Variants in COXFA4L2 observed in about 807,000 individuals in gnomAD.
COXFA4L2 encodes the protein NADH dehydrogenase (ubiquinone) 1 alpha subcomplex, 4-like 2.
the COXFA4L2 span, chr12:57,235,382 G>C: frequency 1.5e-6 from 1 of 687,202 alleles, no homozygotes; most frequent in Non-Finnish European, 2.5e-6. Context: ...CGCTTCCGCT[G>C]CTGGGAGCAA....
chr12:57,237,314 T>C, the COXFA4L2 span: 22 of 1,426,180 alleles, frequency 1.5e-5, no homozygotes, highest in Non-Finnish European at 1.9e-5. Context: ...GCTCTCCGAC[T>C]CTCTCCTCCA....
chr12:57,235,251 T>C, the COXFA4L2 span: 1 of 504,680 alleles, frequency 2.0e-6, no homozygotes, highest in Non-Finnish European at 3.6e-6. Flanking sequence ...ACGTAGCCTG[T>C]GCCACACCCT....
the COXFA4L2 span, chr12:57,237,126 C>T: frequency 6.2e-7 from 1 of 1,614,158 alleles, no homozygotes; most frequent in Non-Finnish European, 8.5e-7. Flanking sequence ...GTGGCTCTGT[C>T]CTCTCCCTCC....
chr12:57,240,194 AAGCGGAG>A, the COXFA4L2 span: 1 of 152,114 alleles, frequency 6.6e-6, no homozygotes. Context: ...AGCCAGACAG[AAGCGGAG>A]CCGGGAGCTG....
At chr12:57,236,652 C>T in the COXFA4L2 span, 1 of 1,577,634 alleles carries the variant, frequency 6.3e-7, no homozygotes, top group Non-Finnish European at 8.6e-7. Flanking sequence ...TGCCCATGCC[C>T]AGGCAGATTA....
chr12:57,236,512 G>A, the COXFA4L2 span: 2 of 1,214,566 alleles, frequency 1.6e-6, no homozygotes, highest in Middle Eastern at 2.8e-4. Flanking sequence ...AGCAGGGCAC[G>A]GGATCCCCAC....
At chr12:57,240,569 G>A in the COXFA4L2 span, 42 of 588,706 alleles carry the variant, frequency 7.1e-5, no homozygotes, top group South Asian at 1.5e-4. Flanking sequence ...CCCGGCGCGC[G>A]CACACACACA....
the COXFA4L2 span, chr12:57,236,468 T>G: frequency 1.3e-6 from 1 of 787,272 alleles, no homozygotes; most frequent in Non-Finnish European, 1.9e-6. Context: ...GCTCCAGCCC[T>G]GAGATGCCGG....
the COXFA4L2 span, chr12:57,236,508 G>GCACGGGATCCCCACTAGGGC: frequency 6.0e-6 from 7 of 1,168,968 alleles, no homozygotes; most frequent in Non-Finnish European, 8.4e-6. Flanking sequence ...ATGCAGCAGG[G>GCACGGGATCCCCACTAGGGC]CACGGGATCC....
the COXFA4L2 span, chr12:57,235,430 T>G: frequency 1.0e-6 from 1 of 975,534 alleles, no homozygotes; most frequent in Non-Finnish European, 1.6e-6. Context: ...CCCCTCTGCG[T>G]GGGAACCCGG....
the COXFA4L2 span, chr12:57,236,888 T>C: frequency 8.2e-7 from 1 of 1,224,076 alleles, no homozygotes; most frequent in Non-Finnish European, 1.2e-6. Context: ...CACAGGGACG[T>C]TTCGGAGAGA....
the COXFA4L2 span, chr12:57,237,108 C>T: frequency 6.2e-7 from 1 of 1,614,206 alleles, no homozygotes; most frequent in Non-Finnish European, 8.5e-7. Flanking sequence ...CCAGTCTGGT[C>T]CTCTGCAGTG....
the COXFA4L2 span, chr12:57,237,205 G>T: frequency 5.7e-6 from 9 of 1,577,112 alleles, no homozygotes; most frequent in South Asian, 8.0e-5. Flanking sequence ...GGCCCAGCCC[G>T]TGCTTCTTTG....
At chr12:57,237,236 A>T in the COXFA4L2 span, 1 of 1,496,392 alleles carries the variant, frequency 6.7e-7, no homozygotes, top group Non-Finnish European at 8.9e-7. Context: ...ACCCCAACTT[A>T]GCTCACTTTC....
At chr12:57,236,834 C>A in the COXFA4L2 span, among the ~76,000 whole-genome samples, 1 of 152,130 alleles carries the variant, frequency 6.6e-6, no homozygotes, top group Admixed American at 6.5e-5. Flanking sequence ...GCATGGTCTC[C>A]CTCACCCTAC....
At chr12:57,240,567 G>A in the COXFA4L2 span, 1 of 581,960 alleles carries the variant, frequency 1.7e-6, no homozygotes, top group African/African-American at 2.0e-5. Context: ...ACCCCGGCGC[G>A]CGCACACACA....
At chr12:57,236,282 G>A in the COXFA4L2 span, 2 of 394,822 alleles carry the variant, frequency 5.1e-6, no homozygotes, top group Non-Finnish European at 9.0e-6. Flanking sequence ...CAACCCCAGT[G>A]CTCTGGTGAG....
chr12:57,235,187 G>A, the COXFA4L2 span: 8 of 268,534 alleles, frequency 3.0e-5, no homozygotes, highest in Non-Finnish European at 5.1e-5. Flanking sequence ...CCGCCACGTC[G>A]CTTGGCACTC....
the COXFA4L2 span, chr12:57,235,940 T>C: frequency 1.5e-6 from 1 of 645,256 alleles, no homozygotes; most frequent in Non-Finnish European, 2.5e-6. Flanking sequence ...GCCCTGGGGG[T>C]CCCATTTCCC....
Sources: gnomAD v4.1 joint callset for allele counts (sites outside exome capture counted in the v4.1 genomes callset) on GRCh38, gnomAD v4.1.1 for gene constraint, MANE v1.5 for transcripts, NCBI Gene and HGNC (gene_info 2026-07-23, HGNC 2026-07-21) for gene names.